The following SPECC1 variants were observed in gnomAD, a reference collection of about 807,000 sequenced individuals.
SPECC1 encodes sperm antigen with calponin homology and coiled-coil domains 1.
SPECC1 carries 62 observed loss-of-function variants against 104.1 expected under a neutral mutation model. The observed-to-expected ratio is 0.60, with a 90% CI of 0.49 to 0.74. The LOEUF (loss-of-function observed/expected upper bound fraction) is 0.74. Ranked by LOEUF, SPECC1 falls within the 30% of genes least tolerant of loss-of-function variation. The pLI, the probability that SPECC1 is intolerant of heterozygous loss-of-function variation, is 0.00. For missense variants in SPECC1, 1,306 were observed against 1,310.5 expected (o/e 1.00, Z 0.05); for synonymous variants, 513 against 501.6 (o/e 1.02, Z -0.30).
intron 4 of SPECC1, among the ~76,000 whole-genome samples, chr17:20,223,379 A>G (rs2038008188): frequency 6.6e-6 from 1 of 152,136 alleles, no homozygotes; most frequent in Non-Finnish European, 1.5e-5. Flanking sequence ...ATTTTTAAAA[A>G]ATTATTTCAA....
At chr17:20,050,063 C>T (rs867198005) in intron 1 of SPECC1, among the ~76,000 whole-genome samples, 9 of 152,242 alleles carry the variant, frequency 5.9e-5, no homozygotes, top group Middle Eastern at 3.4e-3. Flanking sequence ...GTGATCTGCC[C>T]ACCTTGGCCT....
At chr17:20,259,366 G>T (rs1186160521) in intron 11 of SPECC1, among the ~76,000 whole-genome samples, 1 of 152,092 alleles carries the variant, frequency 6.6e-6, no homozygotes, top group Admixed American at 6.5e-5. Context: ...ATATGAATAT[G>T]CTATTGATAT....
intron 3 of SPECC1, among the ~76,000 whole-genome samples, chr17:20,183,751 A>G (rs971579979): frequency 6.6e-6 from 1 of 152,200 alleles, no homozygotes; most frequent in Non-Finnish European, 1.5e-5. Context: ...ACATGTCTAT[A>G]TACATTCAGA....
At chr17:20,156,175 C>T in intron 3 of SPECC1, 3 of 1,443,414 alleles carry the variant, frequency 2.1e-6, no homozygotes, top group Non-Finnish European at 2.7e-6. Flanking sequence ...GGCAAGCCGG[C>T]TGGTGCCCGA....
At chr17:20,124,854 T>G (rs1779093569) in intron 3 of SPECC1, among the ~76,000 whole-genome samples, 1 of 152,194 alleles carries the variant, frequency 6.6e-6, no homozygotes, top group South Asian at 2.1e-4. Context: ...TGTATTAGAT[T>G]GGTGCAAAAA....
intron 12 of SPECC1, among the ~76,000 whole-genome samples, chr17:20,283,943 A>C (rs539271798): frequency 6.6e-6 from 1 of 152,210 alleles, no homozygotes; most frequent in South Asian, 2.1e-4. Flanking sequence ...TGCTATACAT[A>C]TATTGGTTTT....
intron 1 of SPECC1, among the ~76,000 whole-genome samples, chr17:20,073,187 G>GT (rs2046627344): frequency 6.6e-6 from 1 of 152,144 alleles, no homozygotes; most frequent in Non-Finnish European, 1.5e-5. Context: ...ATGCTTCCTG[G>GT]TTGTAGCCCG....
At chr17:20,117,960 C>A (rs998157741) in intron 3 of SPECC1, among the ~76,000 whole-genome samples, 1 of 151,244 alleles carries the variant, frequency 6.6e-6, no homozygotes, top group Non-Finnish European at 1.5e-5. Flanking sequence ...CAAAAATTAG[C>A]CAAGCATGGA....
chr17:20,266,450 G>A (rs1212864691), intron 12 of SPECC1, among the ~76,000 whole-genome samples: 4 of 152,214 alleles, frequency 2.6e-5, no homozygotes, highest in Non-Finnish European at 4.4e-5. Flanking sequence ...CGGGCGTGGT[G>A]GCACGCACCT....
At chr17:20,123,770 C>T (rs2049152025) in intron 3 of SPECC1, among the ~76,000 whole-genome samples, 1 of 152,246 alleles carries the variant, frequency 6.6e-6, no homozygotes, top group African/African-American at 2.4e-5. Flanking sequence ...TTACCGGTGA[C>T]TAGCATTCTT....
chr17:20,018,938 A>G (rs926221771), intron 1 of SPECC1, among the ~76,000 whole-genome samples: 1 of 152,210 alleles, frequency 6.6e-6, no homozygotes, highest in African/African-American at 2.4e-5. Flanking sequence ...CTACCTGAAG[A>G]AAAGCAGGAG....
At chr17:20,280,195 G>C (rs759950109) in intron 12 of SPECC1, among the ~76,000 whole-genome samples, 7 of 152,318 alleles carry the variant, frequency 4.6e-5, no homozygotes, top group Non-Finnish European at 1.0e-4. Context: ...TGCATGTGTC[G>C]TCAGAGAACA....
intron 3 of SPECC1, among the ~76,000 whole-genome samples, chr17:20,184,018 A>AT (rs1392281125): frequency 6.6e-6 from 1 of 151,740 alleles, no homozygotes; most frequent in Non-Finnish European, 1.5e-5. Flanking sequence ...TTAAAAAAAA[A>AT]AAAAGACAAA....
At chr17:20,163,205 G>A (rs1328224633) in intron 3 of SPECC1, among the ~76,000 whole-genome samples, 1 of 152,132 alleles carries the variant, frequency 6.6e-6, no homozygotes, top group Non-Finnish European at 1.5e-5. Context: ...AGAAAAGCTT[G>A]TTTATACGTT....
rs1462639070 is a variant in SPECC1, at chr17:20,314,360, T to C, written c.*295T>C. On this transcript the variant is annotated 3_prime_UTR_variant, in exon 15 of 15. Coordinates refer to ENST00000395527, the MANE Select transcript of SPECC1 (RefSeq NM_001243439.2). ...ACCAAGACCCCACACCCAGGCTTGTTTTGCTGATTATATTGGGTGGCTGAA... is the reference window on the plus strand; with the variant it reads ...ACCAAGACCCCACACCCAGGCTTGTCTTGCTGATTATATTGGGTGGCTGAA... The C allele has an allele frequency of 2.5e-6, 1 of 404,010 alleles. No individual in the cohort carries two copies. Among genetic ancestry groups the C allele is most frequent in the South Asian group, 4.6e-5 (1 of 21,672 alleles). 25.0% of individuals were successfully genotyped at this position (404,010 alleles called of 1,614,324 possible).
chr17:20,265,965 T>C (rs1225630043), intron 12 of SPECC1, among the ~76,000 whole-genome samples: 6 of 152,216 alleles, frequency 3.9e-5, no homozygotes, highest in African/African-American at 1.4e-4. Flanking sequence ...CCATGCTGTT[T>C]TGGTTACTGT....
At chr17:20,188,919 C>G (rs2035467679) in intron 3 of SPECC1, among the ~76,000 whole-genome samples, 1 of 152,200 alleles carries the variant, frequency 6.6e-6, no homozygotes, top group South Asian at 2.1e-4. Context: ...ATCTAATTAT[C>G]TAATTTCTCC....
intron 1 of SPECC1, among the ~76,000 whole-genome samples, chr17:20,061,295 C>T (rs1226674613): frequency 6.6e-6 from 1 of 152,214 alleles, no homozygotes; most frequent in Non-Finnish European, 1.5e-5. Context: ...TGGCCTGGAA[C>T]TCCTGACCTC....
At chr17:20,293,132 T>G (rs1598154718) in intron 12 of SPECC1, among the ~76,000 whole-genome samples, 1 of 152,150 alleles carries the variant, frequency 6.6e-6, no homozygotes, top group South Asian at 2.1e-4. Context: ...TGACCAACCT[T>G]ATTGCTAAGG....
Sources: gnomAD v4.1 joint callset for allele counts (sites outside exome capture counted in the v4.1 genomes callset) on GRCh38, gnomAD v4.1.1 for gene constraint, MANE v1.5 for transcripts, NCBI Gene and HGNC (gene_info 2026-07-23, HGNC 2026-07-21) for gene names.